Variants in AXDND1 observed in about 807,000 individuals in gnomAD.
AXDND1 encodes axonemal dynein light chain domain-containing protein 1.
In AXDND1, 110 loss-of-function variants were observed where a neutral mutation model predicts 137.5. That is an observed-to-expected ratio of 0.80 (90% CI 0.69 to 0.94). The LOEUF (loss-of-function observed/expected upper bound fraction) is 0.94, where lower values mean the gene tolerates loss of function less well. Among genes scored for constraint, AXDND1 ranks in the 40% least tolerant of loss-of-function variants. The pLI is 0.00. For missense variants in AXDND1, 1,191 were observed against 1,169.8 expected, an observed-to-expected ratio of 1.02 and a Z score of -0.26; for synonymous variants, 414 against 399.7, an observed-to-expected ratio of 1.04 and a Z score of -0.43.
chr1:179,425,389 C>T lies in AXDND1; in HGVS notation c.1231-4129C>T, dbSNP rs7545319. ...GGAATGAACCTTGCACAGCATGGTG[C>T]TGTTGATAACCCTCTCTCACATGGA... On this transcript the variant is annotated intron_variant, in intron 12 of 25. Coordinates refer to ENST00000367618, the MANE Select transcript of AXDND1 (RefSeq NM_144696.6). 8.8e-3 allele frequency among the ~76,000 whole-genome samples: 1,346 copies of T among 152,330 alleles called. 20 individuals carry two copies. The highest frequency in any genetic ancestry group is 0.029 in the African/African-American group (1,197 of 41,576).
chr1:179,369,464 C>T (rs1022370892), intron 3 of AXDND1, among the ~76,000 whole-genome samples: 4 of 151,982 alleles, frequency 2.6e-5, no homozygotes, highest in Admixed American at 2.6e-4. Flanking sequence ...CCATCCTGGC[C>T]AACATCATGA....
chr1:179,370,140 A>G, intron 4 of AXDND1, 62 bp downstream of exon 4: 1 of 1,331,050 alleles, frequency 7.5e-7, no homozygotes, highest in Non-Finnish European at 1.1e-6. Flanking sequence ...ATTTTGAATG[A>G]TTACCTTGGG....
rs1558167355 is a variant in AXDND1, at chr1:179,430,547, T to G, written c.1428T>G (p.Ser476=). The change falls in exon 14 of 26, where the codon TCT becomes TCG. Residue 476 remains serine, a synonymous_variant. Coordinates refer to ENST00000367618, the MANE Select transcript of AXDND1 (RefSeq NM_144696.6). ...LKQEVEQMEE[S]TSETLKIVKD... ...AAGAGGTAGAACAAATGGAAGAGTC[T>G]ACAAGCGAGACACTGAAAATTGTTA... 2 of 1,614,000 alleles carry G rather than the reference T, an allele frequency of 1.2e-6. No individual in the cohort carries two copies. Among genetic ancestry groups the G allele is most frequent in the Non-Finnish European group, 1.7e-6 (2 of 1,179,980 alleles).
intron 20 of AXDND1, among the ~76,000 whole-genome samples, chr1:179,508,605 G>T (rs1668747072): frequency 6.6e-6 from 1 of 152,102 alleles, no homozygotes; most frequent in Non-Finnish European, 1.5e-5. Context: ...TACCTTAGGG[G>T]ATTAAAACCT....
intron 4 of AXDND1, among the ~76,000 whole-genome samples, chr1:179,378,379 G>T (rs1032307754): frequency 9.9e-5 from 15 of 152,100 alleles, no homozygotes; most frequent in Non-Finnish European, 2.1e-4. Flanking sequence ...ATAGGAAAGA[G>T]AATATATTTT....
chr1:179,432,494 T>A, intron 15 of AXDND1, 152 bp downstream of exon 15: 15 of 1,134,296 alleles, frequency 1.3e-5, no homozygotes, highest in Non-Finnish European at 1.8e-5. Context: ...AGTGTGATCT[T>A]GGTTCACTAC....
chr1:179,490,516 G>A (rs770184099), intron 18 of AXDND1, among the ~76,000 whole-genome samples: 3 of 152,154 alleles, frequency 2.0e-5, no homozygotes, highest in Non-Finnish European at 4.4e-5. Flanking sequence ...TCACAGTTAA[G>A]TTTATTAAGT....
intron 18 of AXDND1, among the ~76,000 whole-genome samples, chr1:179,488,696 T>C (rs1402755851): frequency 1.5e-5 from 2 of 132,008 alleles, no homozygotes; most frequent in Non-Finnish European, 3.2e-5. Flanking sequence ...TCTTTCTTTC[T>C]TTCCTCTCTC....
At chr1:179,475,979 T>C (rs1291093797) in intron 17 of AXDND1, among the ~76,000 whole-genome samples, 1 of 152,218 alleles carries the variant, frequency 6.6e-6, no homozygotes, top group Non-Finnish European at 1.5e-5. Context: ...ATGATGGTTT[T>C]ATAAGCATTT....
intron 17 of AXDND1, among the ~76,000 whole-genome samples, chr1:179,476,211 A>T (rs560835380): frequency 4.6e-5 from 7 of 152,176 alleles, no homozygotes; most frequent in Non-Finnish European, 1.0e-4. Flanking sequence ...ACAAAAATAC[A>T]TTGTTATAAT....
intron 24 of AXDND1, 133 bp from the exon 25 acceptor site, chr1:179,534,597 T>A: frequency 8.6e-7 from 1 of 1,168,078 alleles, no homozygotes; most frequent in East Asian, 2.7e-5. Context: ...TAATCATTGA[T>A]GCTGTTGCTT....
At chr1:179,550,303 G>A (rs796157745) in intron 25 of AXDND1, among the ~76,000 whole-genome samples, 2 of 152,188 alleles carry the variant, frequency 1.3e-5, no homozygotes, top group South Asian at 2.1e-4. Context: ...TTAGAGAAAT[G>A]TATCTATATT....
At chr1:179,538,504 G>C (rs1242319969) in intron 25 of AXDND1, among the ~76,000 whole-genome samples, 1 of 152,168 alleles carries the variant, frequency 6.6e-6, no homozygotes, top group Non-Finnish European at 1.5e-5. Flanking sequence ...GTGTGGTTTT[G>C]AGTGAGTTTC....
intron 4 of AXDND1, 46 bp from the exon 5 acceptor site, chr1:179,378,591 C>A (rs747522631): frequency 1.4e-6 from 2 of 1,415,410 alleles, no homozygotes; most frequent in Non-Finnish European, 9.5e-7. Flanking sequence ...TATGTGGTAT[C>A]CAGATAGAAA....
chr1:179,477,042 ATT>A (rs373245135), intron 17 of AXDND1, among the ~76,000 whole-genome samples: 9,521 of 150,700 alleles, frequency 0.063, 344 homozygotes, highest in African/African-American at 0.071. Flanking sequence ...TTTCCTCTTT[ATT>A]TTTTGGCTTG....
chr1:179,401,835 C>T (rs985612447), intron 11 of AXDND1, among the ~76,000 whole-genome samples: 3 of 152,058 alleles, frequency 2.0e-5, no homozygotes, highest in African/African-American at 7.2e-5. Flanking sequence ...CCTCCCCAGC[C>T]ACGTGGAACT....
chr1:179,486,139 A>AAAAAAACAGAAAACT (rs149119239), intron 18 of AXDND1, among the ~76,000 whole-genome samples: 1 of 87,770 alleles, frequency 1.1e-5, no homozygotes, highest in Non-Finnish European at 2.3e-5. Context: ...AAAAAAAAAA[A>AAAAAAACAGAAAACT]AACCTGATAG....
intron 11 of AXDND1, among the ~76,000 whole-genome samples, chr1:179,409,801 G>A (rs907867533): frequency 3.3e-5 from 5 of 152,010 alleles, no homozygotes; most frequent in South Asian, 4.1e-4. Context: ...GGACAAGAGC[G>A]AAACTCTGTT....
rs193153630 is a variant in AXDND1 at position 179,423,356 on chromosome 1, A to G, written c.1231-6162A>G. ...ATAGTTGAGTGGATTTTGTGTAGAC[A>G]GATATTGTTGGGTCTTGTTGCTTTA... On this transcript the variant is annotated intron_variant, in intron 12 of 25. Coordinates refer to ENST00000367618, the MANE Select transcript of AXDND1 (RefSeq NM_144696.6). 2.9e-3 allele frequency among the ~76,000 whole-genome samples: 443 copies of G among 152,254 alleles called. 3 individuals carry two copies. Among genetic ancestry groups the G allele is most frequent in the Non-Finnish European group, 2.0e-3 (138 of 68,006 alleles).
Sources: allele counts gnomAD v4.1 joint callset (sites outside exome capture counted in the v4.1 genomes callset), GRCh38; gene constraint gnomAD v4.1.1; transcripts MANE v1.5; gene names NCBI Gene and HGNC (gene_info 2026-07-23, HGNC 2026-07-21).